The following CPXM2 variants were observed in gnomAD, a reference collection of about 807,000 sequenced individuals.
The protein encoded by CPXM2 is carboxypeptidase X, M14 family member 2, also known as inactive carboxypeptidase-like protein X2.
Under a neutral mutation model 86.1 loss-of-function variants are expected in CPXM2, and 66 were observed. The observed-to-expected ratio is 0.77, with a 90% CI of 0.63 to 0.94. CPXM2 has a LOEUF of 0.94. Ranked by LOEUF, CPXM2 falls within the 40% of genes least tolerant of loss-of-function variation. CPXM2 has a pLI of 0.00. For missense variants in CPXM2, 948 were observed against 1,026.3 expected (o/e 0.92, Z 1.04); for synonymous variants, 388 against 400.2 (o/e 0.97, Z 0.36).
intron 7 of CPXM2, among the ~76,000 whole-genome samples, chr10:123,778,337 C>G (rs1290697837): frequency 6.6e-6 from 1 of 152,156 alleles, no homozygotes; most frequent in Non-Finnish European, 1.5e-5. Flanking sequence ...GACTTCTTTC[C>G]CATTCCCAGG....
Position 123,854,292 on chromosome 10 carries a change from T to G in CPXM2, c.513+8322A>C, listed in dbSNP as rs1471144442. On this transcript the variant is annotated intron_variant, in intron 3 of 13. Coordinates refer to ENST00000241305, the MANE Select transcript of CPXM2 (RefSeq NM_198148.3). The stretch of plus-strand genomic sequence containing the variant: ...AAACTCAAGCCAGTGGTCAGGGAGA[T>G]AAGGCAGCACAAGCTGAGAGGCAGG... 2.1e-5 allele frequency among the ~76,000 whole-genome samples: 3 copies of G among 144,680 alleles called. No individual in the cohort carries two copies. The East Asian group carries it at 6.1e-4, about 29-fold the overall frequency. 94.9% of individuals were successfully genotyped at this position (144,680 alleles called of 152,430 possible).
At chr10:123,796,461 A>T (rs1265781395) in intron 6 of CPXM2, among the ~76,000 whole-genome samples, 1 of 152,306 alleles carries the variant, frequency 6.6e-6, no homozygotes, top group Admixed American at 6.5e-5. Flanking sequence ...ACATAAAAAA[A>T]CTTGCACAAT....
chr10:123,864,656 CTAAG>C (rs1257059550), intron 2 of CPXM2, among the ~76,000 whole-genome samples: 1 of 152,164 alleles, frequency 6.6e-6, no homozygotes, highest in African/African-American at 2.4e-5. Flanking sequence ...TTTATACACT[CTAAG>C]TGAGAGACGG....
At chr10:123,896,308 G>C (rs72827498), upstream of CPXM2, among the ~76,000 whole-genome samples, 30,887 of 152,030 alleles carry the variant, frequency 0.2, 3,394 homozygotes, top group Non-Finnish European at 0.25. Flanking sequence ...ACATACTCAG[G>C]CACAGCCATT....
chr10:123,913,996 C>A, intron 2 of CPXM2: 1 of 489,618 alleles, frequency 2.0e-6, no homozygotes, highest in Non-Finnish European at 4.1e-6. Context: ...CATTGCCAAC[C>A]GCATTCCCTC....
chr10:123,936,313 C>T (rs1026971784), intron 2 of CPXM2, among the ~76,000 whole-genome samples: 1 of 152,120 alleles, frequency 6.6e-6, no homozygotes, highest in Non-Finnish European at 1.5e-5. Flanking sequence ...ACCATTATGC[C>T]TTATTGTCTC....
At chr10:123,919,094 T>C (rs1945560167) in intron 2 of CPXM2, among the ~76,000 whole-genome samples, 1 of 94,428 alleles carries the variant, frequency 1.1e-5, no homozygotes, top group African/African-American at 3.1e-5. Context: ...GGAACTGACA[T>C]AAAGTAGCAT....
chr10:123,930,444 TCCC>T (rs1945658298), intron 2 of CPXM2, among the ~76,000 whole-genome samples: 1 of 152,238 alleles, frequency 6.6e-6, no homozygotes, highest in Admixed American at 6.5e-5. Context: ...AACGCAGTTC[TCCC>T]TGTGCCAGGG....
chr10:123,817,365 C>T (rs1254807913), intron 4 of CPXM2, among the ~76,000 whole-genome samples: 1 of 152,142 alleles, frequency 6.6e-6, no homozygotes, highest in East Asian at 1.9e-4. Context: ...AAGTAAATCA[C>T]AGCAGAGGCC....
intron 3 of CPXM2, among the ~76,000 whole-genome samples, chr10:123,861,984 C>T (rs543847893): frequency 7.2e-5 from 11 of 152,290 alleles, no homozygotes; most frequent in South Asian, 6.2e-4. Flanking sequence ...AAGAATTGCA[C>T]GGCGTGTAGA....
chr10:123,936,757 C>T (rs1425425209), intron 2 of CPXM2, among the ~76,000 whole-genome samples: 1 of 152,210 alleles, frequency 6.6e-6, no homozygotes, highest in Non-Finnish European at 1.5e-5. Context: ...TTCTCTCTCC[C>T]CATACTCCCA....
At chr10:123,835,843 A>G (rs1428680777) in intron 4 of CPXM2, among the ~76,000 whole-genome samples, 1 of 152,212 alleles carries the variant, frequency 6.6e-6, no homozygotes, top group Non-Finnish European at 1.5e-5. Flanking sequence ...AAGGGGACAC[A>G]GAGGCCGGGA....
intron 13 of CPXM2, chr10:123,750,086 G>T: frequency 1.0e-6 from 1 of 982,780 alleles, no homozygotes; most frequent in Non-Finnish European, 1.2e-6. Context: ...CCAAAGTGCC[G>T]AGGATTACAG....
In CPXM2 at chr10:123,746,793, G is replaced by A. The variant is rs1455207884; in HGVS notation, c.2242C>T (p.Arg748Trp). The A allele has an allele frequency of 5.6e-6, 9 of 1,614,034 alleles. No homozygotes were observed. Among genetic ancestry groups the A allele is most frequent in the Admixed American group, 1.7e-5 (1 of 60,002 alleles). The change falls in exon 14 of 14, where the codon CGG (arginine) becomes TGG (tryptophan). Residue 748 changes from arginine (R) to tryptophan (W), a missense_variant. Arg to Trp is a moderately radical substitution (Grantham distance 101). Transcript: ENST00000241305. ...VSLPARRLKL[R>W]GQKRRQRG ...CCACGCTGTCGTCTCTTCTGCCCCC[G>A]CAGCTTCAGCCGCCTGGCTGGCAGG...
intron 2 of CPXM2, among the ~76,000 whole-genome samples, chr10:123,903,620 G>C (rs1284457314): frequency 6.6e-6 from 1 of 152,182 alleles, no homozygotes; most frequent in East Asian, 1.9e-4. Flanking sequence ...CAGGGATAGG[G>C]GAAGAGGACT....
intron 4 of CPXM2, among the ~76,000 whole-genome samples, chr10:123,838,880 C>G (rs1375205033): frequency 1.3e-5 from 2 of 152,312 alleles, no homozygotes; most frequent in East Asian, 3.9e-4. Flanking sequence ...CACACAGATA[C>G]TTCTACCAAT....
At chr10:123,768,830 C>A in intron 8 of CPXM2, 108 bp from the exon 9 acceptor site, 2 of 904,624 alleles carry the variant, frequency 2.2e-6, no homozygotes, top group South Asian at 1.6e-5. Context: ...ATAAGCTTAC[C>A]GTTTTAGACC....
chr10:123,889,457 T>C (rs1320103284), intron 1 of CPXM2, among the ~76,000 whole-genome samples: 2 of 141,230 alleles, frequency 1.4e-5, no homozygotes, highest in South Asian at 2.6e-4. Flanking sequence ...GCTAGTTCCA[T>C]GTGGTGGGGG....
chr10:123,745,842 T>G lies in CPXM2; in HGVS notation c.*922A>C, dbSNP rs968888492. 6.6e-6 allele frequency: 1 copy of G among 151,950 alleles called. No individual in the cohort carries two copies. Among genetic ancestry groups the G allele is most frequent in the Middle Eastern group, 3.2e-3 (1 of 316 alleles). The allele number at this position is 151,950 out of a possible 1,614,324, so 9.4% of individuals were successfully genotyped here. Reference sequence around the variant, plus strand: ...TGGCATTCTACATATCAAAAATAACTCCCAGGCTGATATGAGGCCAACCCA... The same window carrying G: ...TGGCATTCTACATATCAAAAATAACGCCCAGGCTGATATGAGGCCAACCCA... On this transcript the variant is annotated 3_prime_UTR_variant, in exon 14 of 14. Transcript: ENST00000241305.
Sources: gnomAD v4.1 joint callset for allele counts (sites outside exome capture counted in the v4.1 genomes callset) on GRCh38, gnomAD v4.1.1 for gene constraint, MANE v1.5 for transcripts, NCBI Gene and HGNC (gene_info 2026-07-23, HGNC 2026-07-21) for gene names.